TMEM71: variants seen among roughly 807,000 people sequenced by gnomAD.
The protein encoded by TMEM71 is transmembrane protein 71.
In TMEM71, 44 loss-of-function variants were observed where a neutral mutation model predicts 38.0. The ratio of observed to expected loss-of-function variants is 1.16; its 90% confidence interval spans 0.91 to 1.49. The LOEUF (loss-of-function observed/expected upper bound fraction) is 1.49. TMEM71 is among the 40% of genes most tolerant of loss of function. The pLI, the probability that TMEM71 is intolerant of heterozygous loss-of-function variation, is 0.00. For synonymous variants in TMEM71, 133 were observed against 122.5 expected (o/e 1.09, Z -0.56); for missense variants, 367 against 348.6 (o/e 1.05, Z -0.42).
chr8:132,758,214 T>A (rs1829141355), intron 2 of TMEM71, among the ~76,000 whole-genome samples: 1 of 152,242 alleles, frequency 6.6e-6, no homozygotes, highest in Non-Finnish European at 1.5e-5. Context: ...CAGACTTTAC[T>A]TGGAGAAAGT....
chr8:132,771,106 C>T, the TMEM71 span, among the ~76,000 whole-genome samples: 1 of 152,158 alleles, frequency 6.6e-6, no homozygotes, highest in Non-Finnish European at 1.5e-5. Context: ...TGTGAAAATC[C>T]TTTGCAGTAT....
chr8:132,733,303 C>T (rs188960059), intron 5 of TMEM71, among the ~76,000 whole-genome samples: 1 of 152,190 alleles, frequency 6.6e-6, no homozygotes, highest in Non-Finnish European at 1.5e-5. Context: ...ACAGAGAATT[C>T]GGTAAGGGGT....
At chr8:132,709,889 T>C (rs1444065312), downstream of TMEM71, 5 of 152,004 alleles carry the variant, frequency 3.3e-5, no homozygotes, top group Non-Finnish European at 5.9e-5. Flanking sequence ...TGTTCTGCCA[T>C]GATTTCTCAA....
At chr8:132,722,879 A>G (rs1320057491) in intron 6 of TMEM71, among the ~76,000 whole-genome samples, 5 of 152,206 alleles carry the variant, frequency 3.3e-5, no homozygotes, top group Non-Finnish European at 5.9e-5. Context: ...TCAATCATGA[A>G]CCTCAGTATT....
chr8:132,761,969 T>C (rs1474060617), upstream of TMEM71, among the ~76,000 whole-genome samples: 6 of 152,218 alleles, frequency 3.9e-5, no homozygotes, highest in Non-Finnish European at 7.3e-5. Flanking sequence ...CAGCCCCATC[T>C]AATGCTCGAT....
Position 132,758,856 on chromosome 8 carries a change from C to T in TMEM71, c.24G>A (p.Met8Ile). Residue 8 changes from methionine to isoleucine, a missense_variant, in exon 2 of 10, where the codon ATG becomes ATA. Met to Ile is a conservative substitution (Grantham distance 10). Coordinates refer to ENST00000677595, the MANE Select transcript of TMEM71 (RefSeq NM_001382403.1). MYRISQL[M>I]STPVASSSRL... is the part of the protein sequence containing the mutation. ...TACATTTACTTGCTACTGGTGTTGA[C>T]ATCAGTTGAGATATTCGGTACATCT... 1 of 1,613,790 alleles carries T rather than the reference C, an allele frequency of 6.2e-7. No homozygotes were observed. Among genetic ancestry groups the T allele is most frequent in the Non-Finnish European group, 8.5e-7 (1 of 1,179,786 alleles).
intron 6 of TMEM71, among the ~76,000 whole-genome samples, chr8:132,726,288 C>T (rs2131055092): frequency 6.6e-6 from 1 of 151,930 alleles, no homozygotes; most frequent in African/African-American, 2.4e-5. Flanking sequence ...CCCTTGAACA[C>T]TTATCTAGTA....
At chr8:132,766,362 A>G in the TMEM71 span, among the ~76,000 whole-genome samples, 1 of 140,272 alleles carries the variant, frequency 7.1e-6, no homozygotes, top group Non-Finnish European at 1.5e-5. Flanking sequence ...GAAGCACTGT[A>G]AGTCATAGGG....
chr8:132,747,069 G>A lies in TMEM71; in HGVS notation c.360C>T (p.Leu120=). ...AAGATTTGGAGGTACTGAGGTTGAA[G>A]AGAGAAGAAAAGGAATGGCAGATTC... ...KKRICHSFSS[L]FNLSTSKSWL... is the part of the protein sequence containing the mutation. The change falls in exon 5 of 10, where the codon CTC becomes CTT. Residue 120 remains leucine (L), a synonymous_variant. Transcript: ENST00000677595. 4 of 1,612,908 alleles carry A rather than the reference G, an allele frequency of 2.5e-6. No individual in the cohort carries two copies. The highest frequency in any genetic ancestry group is 1.1e-5 in the South Asian group (1 of 90,816).
intron 6 of TMEM71, among the ~76,000 whole-genome samples, chr8:132,726,854 C>CTTT (rs138185825): frequency 2.9e-5 from 4 of 139,982 alleles, no homozygotes; most frequent in Admixed American, 7.1e-5. Flanking sequence ...TCTTCTTCTT[C>CTTT]TTTTTTTTTT....
Position 132,711,597 on chromosome 8 carries a change from G to A in TMEM71, c.873-615C>T, listed in dbSNP as rs1826241270. ...ATCATAAGTGTGCAAAACGTGTACC[G>A]CTGATGCTAACACATCATTACTAAC... On this transcript the variant is annotated intron_variant, in intron 9 of 9. Transcript: ENST00000677595. 2.0e-5 allele frequency among the ~76,000 whole-genome samples: 3 copies of A among 152,230 alleles called. No individual in the cohort carries two copies. The South Asian group carries it at 6.2e-4, about 32-fold the overall frequency.
At chr8:132,753,274 GAA>G (rs1279857903) in intron 3 of TMEM71, among the ~76,000 whole-genome samples, 3 of 150,916 alleles carry the variant, frequency 2.0e-5, no homozygotes. Context: ...TAAAACCTAT[GAA>G]AATATATATT....
intron 6 of TMEM71, among the ~76,000 whole-genome samples, chr8:132,726,911 T>C (rs1827174967): frequency 6.6e-6 from 1 of 151,480 alleles, no homozygotes; most frequent in Non-Finnish European, 1.5e-5. Context: ...AGTGGTATGA[T>C]CTCGAGTGAT....
chr8:132,732,603 G>T (rs1161868304), intron 5 of TMEM71, among the ~76,000 whole-genome samples: 1 of 152,164 alleles, frequency 6.6e-6, no homozygotes, highest in African/African-American at 2.4e-5. Context: ...AACATGAGTT[G>T]CTTTGTGTGT....
At chr8:132,743,295 T>C (rs191621049) in intron 5 of TMEM71, among the ~76,000 whole-genome samples, 315 of 152,252 alleles carry the variant, frequency 2.1e-3, no homozygotes, top group African/African-American at 7.4e-3. Flanking sequence ...GCCATTCCTT[T>C]ATTTCCTTAC....
upstream of TMEM71, among the ~76,000 whole-genome samples, chr8:132,763,307 C>T (rs1829325785): frequency 6.6e-6 from 1 of 152,178 alleles, no homozygotes; most frequent in Non-Finnish European, 1.5e-5. Context: ...AGAATATTGT[C>T]ATTTTGCTTC....
At chr8:132,769,332 T>C in the TMEM71 span, among the ~76,000 whole-genome samples, 2 of 152,232 alleles carry the variant, frequency 1.3e-5, no homozygotes, top group Non-Finnish European at 2.9e-5. Context: ...ATATTTAGCT[T>C]CATATTGTGT....
Position 132,714,069 on chromosome 8 carries a change from A to T in TMEM71, c.815-17T>A, listed in dbSNP as rs781587143. 5.7e-5 allele frequency: 92 copies of T among 1,613,916 alleles called. No individual in the cohort carries two copies. The highest frequency in any genetic ancestry group is 7.0e-5 in the Non-Finnish European group (83 of 1,179,898). The stretch of plus-strand genomic sequence containing the variant: ...ATTTCACATCTTGAGTGAAACAGAG[A>T]AAATATTTTAAAATCATTTTAAAGT... On this transcript the variant is annotated splice_polypyrimidine_tract_variant and intron_variant, in intron 8 of 9. Coordinates refer to ENST00000677595, the MANE Select transcript of TMEM71 (RefSeq NM_001382403.1).
In TMEM71 at chr8:132,710,281, TTAAG is replaced by T; in HGVS notation, c.*682_*685del. On this transcript the variant is annotated 3_prime_UTR_variant, in exon 10 of 10. Coordinates refer to ENST00000677595, the MANE Select transcript of TMEM71 (RefSeq NM_001382403.1). The stretch of plus-strand genomic sequence containing the variant: ...CAAGGCATTTTTCTGTGTTATATCT[TTAAG>T]TGACATTAAAGTGAAAGGTAATTAC... 6.6e-6 allele frequency: 1 copy of T among 152,334 alleles called. No homozygotes were observed. The highest frequency in any genetic ancestry group is 2.1e-4 in the South Asian group (1 of 4,826). 9.4% of individuals were successfully genotyped at this position (152,334 alleles called of 1,614,324 possible).
Sources: gnomAD v4.1 joint callset for allele counts (sites outside exome capture counted in the v4.1 genomes callset) on GRCh38, gnomAD v4.1.1 for gene constraint, MANE v1.5 for transcripts, NCBI Gene and HGNC (gene_info 2026-07-23, HGNC 2026-07-21) for gene names.